The following HMCN1 variants were observed in gnomAD, a reference collection of about 807,000 sequenced individuals.
The protein encoded by HMCN1 is hemicentin 1.
Under a neutral mutation model 625.9 loss-of-function variants are expected in HMCN1, and 321 were observed. The observed-to-expected ratio is 0.51, with a 90% CI of 0.47 to 0.56. The LOEUF is 0.56. Ranked by LOEUF, HMCN1 falls within the 20% of genes least tolerant of loss-of-function variation. The probability of loss-of-function intolerance (pLI) is 0.00; values close to 1 mark genes in which losing one functional copy is unlikely to be tolerated. For missense variants in HMCN1, 6,588 were observed against 6,887.3 expected (o/e 0.96, Z 1.54); for synonymous variants, 2,425 against 2,417.6 (o/e 1.00, Z -0.09).
chr1:185,776,960 A>G (rs977116627), intron 1 of HMCN1, among the ~76,000 whole-genome samples: 1 of 152,244 alleles, frequency 6.6e-6, no homozygotes, highest in Non-Finnish European at 1.5e-5. Flanking sequence ...GTTTGCTCAT[A>G]GCCAATTAAA....
rs373879370 is a variant in HMCN1, at chr1:185,925,098, C to A, written c.1337C>A (p.Pro446Gln). The change falls in exon 9 of 107, where the codon CCG (proline) becomes CAG (glutamine). Residue 446 changes from proline to glutamine, a missense_variant. Physicochemically the swap from Pro to Gln is moderately conservative, Grantham distance 76. Coordinates refer to ENST00000271588, the MANE Select transcript of HMCN1 (RefSeq NM_031935.3). Reference sequence around the variant, plus strand: ...AAAACCCCAGGATACTATCTGCAGCCGGGCCAAATTCCCTGCTCTGTTGAC... The same window carrying A: ...AAAACCCCAGGATACTATCTGCAGCAGGGCCAAATTCCCTGCTCTGTTGAC... The part of the protein sequence containing the change: ...PEKTPGYYLQ[P>Q]GQIPCSVDSL... 6.2e-7 allele frequency: 1 copy of A among 1,613,772 alleles called. No homozygotes were observed. Among genetic ancestry groups the A allele is most frequent in the Non-Finnish European group, 8.5e-7 (1 of 1,179,784 alleles).
intron 46 of HMCN1, among the ~76,000 whole-genome samples, chr1:186,061,637 A>AT (rs1657709382): frequency 6.6e-6 from 1 of 152,064 alleles, no homozygotes; most frequent in African/African-American, 2.4e-5. Flanking sequence ...CATTATATTT[A>AT]TTTTTTTATC....
chr1:186,011,619 G>A (rs1654009426), intron 30 of HMCN1, among the ~76,000 whole-genome samples: 1 of 152,176 alleles, frequency 6.6e-6, no homozygotes, highest in African/African-American at 2.4e-5. Context: ...GCCTCAAGGT[G>A]TGACACACTG....
chr1:185,993,351 G>T, intron 23 of HMCN1, 42 bp downstream of exon 23: 1 of 1,608,762 alleles, frequency 6.2e-7, no homozygotes, highest in Non-Finnish European at 8.5e-7. Flanking sequence ...CTGTGGACTG[G>T]CCACACAAAA....
intron 24 of HMCN1, 75 bp downstream of exon 24, chr1:185,995,162 T>A: frequency 7.6e-7 from 1 of 1,307,582 alleles, no homozygotes; most frequent in Non-Finnish European, 1.1e-6. Flanking sequence ...AAATAGATTA[T>A]CTTCGATAAT....
intron 44 of HMCN1, among the ~76,000 whole-genome samples, chr1:186,054,401 T>A (rs1477233721): frequency 2.0e-5 from 3 of 151,992 alleles, no homozygotes; most frequent in Non-Finnish European, 4.4e-5. Context: ...CATGAGCTGT[T>A]ATATAAGACA....
At chr1:186,066,462 C>T (rs990058096) in intron 49 of HMCN1, among the ~76,000 whole-genome samples, 37 of 152,270 alleles carry the variant, frequency 2.4e-4, no homozygotes, top group African/African-American at 8.4e-4. Flanking sequence ...GATAACTTAT[C>T]CTTCTTGTTC....
intron 2 of HMCN1, among the ~76,000 whole-genome samples, chr1:185,857,475 G>T (rs186960622): frequency 3.2e-4 from 48 of 150,802 alleles, no homozygotes; most frequent in Admixed American, 2.6e-3. Flanking sequence ...TTGTGTGTGT[G>T]TGTGTGTGTG....
chr1:186,121,094 G>C (rs557248817), intron 80 of HMCN1, among the ~76,000 whole-genome samples: 16 of 152,284 alleles, frequency 1.1e-4, no homozygotes, highest in African/African-American at 2.6e-4. Context: ...CCAAAGGAGA[G>C]AGGACAGCAT....
chr1:185,963,976 T>A (rs1650216448), intron 13 of HMCN1, 81 bp downstream of exon 13: 5 of 1,091,332 alleles, frequency 4.6e-6, no homozygotes. Flanking sequence ...TTTGAAATAT[T>A]AATATTAGTA....
chr1:185,933,439 A>C, intron 10 of HMCN1, 110 bp from the exon 11 acceptor site: 1 of 1,046,234 alleles, frequency 9.6e-7, no homozygotes, highest in Non-Finnish European at 1.5e-6. Flanking sequence ...GTTGCACTGC[A>C]TCTTTCCTAC....
Position 186,124,542 on chromosome 1 carries a change from T to G in HMCN1, c.12500-1062T>G, listed in dbSNP as rs571109786. On this transcript the variant is annotated intron_variant, in intron 81 of 106. Transcript: ENST00000271588. ...GCAAGAATTAATTAAAAATGAGTAT[T>G]TACGATGTACCATTGAGCAAAATCA... Among the ~76,000 whole-genome samples the G allele has an allele frequency of 9.9e-5, 15 of 152,158 alleles. No individual in the cohort carries two copies. In the South Asian group the frequency reaches 2.9e-3, roughly 29 times the overall value.
At chr1:186,078,258 G>T in intron 55 of HMCN1, 38 bp downstream of exon 55, 2 of 1,447,198 alleles carry the variant, frequency 1.4e-6, no homozygotes, top group Non-Finnish European at 1.9e-6. Flanking sequence ...TTCTTTTACT[G>T]AAAAGTATTT....
At chr1:185,992,166 T>C (rs1289276390) in intron 22 of HMCN1, among the ~76,000 whole-genome samples, 1 of 152,142 alleles carries the variant, frequency 6.6e-6, no homozygotes, top group Admixed American at 6.6e-5. Context: ...TTGATAATAA[T>C]CTTTTGTCTT....
intron 93 of HMCN1, among the ~76,000 whole-genome samples, chr1:186,148,533 G>C (rs1650471037): frequency 2.0e-5 from 3 of 152,110 alleles, no homozygotes; most frequent in Admixed American, 2.0e-4. Context: ...GTTTGAGACA[G>C]AGTCTCATTC....
intron 34 of HMCN1, 30 bp downstream of exon 34, chr1:186,018,382 A>C (rs758884390): frequency 2.5e-6 from 4 of 1,589,502 alleles, no homozygotes; most frequent in Middle Eastern, 1.7e-4. Context: ...GGAACTTTGC[A>C]TCTTAAATTA....
chr1:185,954,740 A>C (rs1393785230), intron 11 of HMCN1, among the ~76,000 whole-genome samples: 2 of 152,314 alleles, frequency 1.3e-5, no homozygotes, highest in East Asian at 3.9e-4. Context: ...CAGGGCACTT[A>C]GGATCTCTTT....
At chr1:185,802,230 T>G (rs1486631521) in intron 1 of HMCN1, among the ~76,000 whole-genome samples, 1 of 152,132 alleles carries the variant, frequency 6.6e-6, no homozygotes, top group Non-Finnish European at 1.5e-5. Context: ...CATAGGTACT[T>G]TTCATAGACA....
chr1:185,766,490 G>T (rs752419514), intron 1 of HMCN1, among the ~76,000 whole-genome samples: 1 of 152,106 alleles, frequency 6.6e-6, no homozygotes, highest in Admixed American at 6.6e-5. Flanking sequence ...TCTTCTGGCC[G>T]TCTCAGGAAA....
Sources: gnomAD v4.1 joint callset for allele counts (sites outside exome capture counted in the v4.1 genomes callset) on GRCh38, gnomAD v4.1.1 for gene constraint, MANE v1.5 for transcripts, NCBI Gene and HGNC (gene_info 2026-07-23, HGNC 2026-07-21) for gene names.